The following GRID2 variants were observed in gnomAD, a reference collection of about 807,000 sequenced individuals.
The protein encoded by GRID2 is glutamate receptor ionotropic, delta-2.
Under a neutral mutation model 114.8 loss-of-function variants are expected in GRID2, and 33 were observed. The observed-to-expected ratio is 0.29, with a 90% CI of 0.22 to 0.38. The LOEUF is 0.38. Ranked by LOEUF, GRID2 falls within the 10% of genes least tolerant of loss-of-function variation. GRID2 has a pLI of 1.00. For missense variants in GRID2, 1,184 were observed against 1,257.7 expected (o/e 0.94, Z 0.89); for synonymous variants, 505 against 449.9 (o/e 1.12, Z -1.55).
chr4:92,594,763 TA>T (rs1373048998), intron 2 of GRID2, among the ~76,000 whole-genome samples: 2 of 152,126 alleles, frequency 1.3e-5, no homozygotes, highest in Admixed American at 6.6e-5. Context: ...TTTTCTCTTA[TA>T]AATTTTTTCT....
chr4:93,593,018 C>T lies in GRID2; in HGVS notation c.2194-33251C>T, dbSNP rs1341093479. ...GGTCTTGACTCTTTATCCAATTTGC[C>T]AGTCTGTGTCTTTTAATTGGAGAAT... On this transcript the variant is annotated intron_variant, in intron 13 of 15. Coordinates refer to ENST00000282020, the MANE Select transcript of GRID2 (RefSeq NM_001510.4). Among the ~76,000 whole-genome samples the T allele has an allele frequency of 2.0e-5, 3 of 151,666 alleles. No individual in the cohort carries two copies. The East Asian group carries it at 5.8e-4, about 30-fold the overall frequency.
At position 92,951,333 on chromosome 4, in the gene GRID2, T is replaced by TTTTTTTTATTTA. The variant is rs1553956368; in HGVS notation, c.245-133659_245-133658insTTTTATTTATTT. 6.6e-5 allele frequency among the ~76,000 whole-genome samples: 10 copies of TTTTTTTTATTTA among 150,496 alleles called. No homozygotes were observed. In the East Asian group the frequency reaches 2.0e-3, roughly 29 times the overall value. On this transcript the variant is annotated intron_variant, in intron 2 of 15. Coordinates refer to ENST00000282020, the MANE Select transcript of GRID2 (RefSeq NM_001510.4). ...TTGTTCTCCAAAAATTCGCAAAATTTTTTATTTATTTATTTATTTATTTAT... is the reference window on the plus strand; with the variant it reads ...TTGTTCTCCAAAAATTCGCAAAATTTTTTTTTTATTTATTTATTTATTTATTTATTTATTTAT...
intron 1 of GRID2, among the ~76,000 whole-genome samples, chr4:92,573,049 G>T (rs1727709153): frequency 2.0e-5 from 3 of 151,948 alleles, no homozygotes; most frequent in African/African-American, 7.3e-5. Flanking sequence ...GTTCAGTCTT[G>T]GGAGAGTGTA....
At chr4:93,453,316 A>AAGAGAG (rs3044025) in intron 10 of GRID2, among the ~76,000 whole-genome samples, 2,196 of 127,036 alleles carry the variant, frequency 0.017, 40 homozygotes, top group East Asian at 0.097. Context: ...AGAGATGGGA[A>AAGAGAG]AGAGAGAGAG....
chr4:92,888,365 T>C (rs146838131), intron 2 of GRID2, among the ~76,000 whole-genome samples: 257 of 152,242 alleles, frequency 1.7e-3, no homozygotes, highest in African/African-American at 5.8e-3. Flanking sequence ...TATATAATTA[T>C]TTGGCTATTC....
chr4:93,405,978 C>T (rs1017537577), intron 9 of GRID2, among the ~76,000 whole-genome samples: 5 of 152,136 alleles, frequency 3.3e-5, no homozygotes, highest in African/African-American at 1.2e-4. Flanking sequence ...TAATAAATCT[C>T]ATTGTTAGTA....
At chr4:92,519,096 A>G (rs1219176333) in intron 1 of GRID2, among the ~76,000 whole-genome samples, 1 of 151,918 alleles carries the variant, frequency 6.6e-6, no homozygotes, top group Non-Finnish European at 1.5e-5. Context: ...ATAAATATGC[A>G]TATTGAAATA....
intron 9 of GRID2, among the ~76,000 whole-genome samples, chr4:93,419,651 C>T (rs1472302931): frequency 6.6e-6 from 1 of 152,014 alleles, no homozygotes; most frequent in Non-Finnish European, 1.5e-5. Flanking sequence ...ATCAATAATT[C>T]ATTTTGAAAG....
intron 2 of GRID2, among the ~76,000 whole-genome samples, chr4:92,662,417 A>C (rs1035120502): frequency 1.3e-5 from 2 of 151,006 alleles, no homozygotes; most frequent in African/African-American, 2.4e-5. Context: ...GGCTGAAGAC[A>C]ATAAGAAAAA....
intron 14 of GRID2, among the ~76,000 whole-genome samples, chr4:93,701,698 A>T (rs906567492): frequency 2.0e-5 from 3 of 152,096 alleles, no homozygotes; most frequent in Admixed American, 2.0e-4. Flanking sequence ...TGCTTTAAAA[A>T]TATATAAAAG....
At position 92,815,326 on chromosome 4, in the gene GRID2, A is replaced by G. The variant is rs557827531; in HGVS notation, c.244+225040A>G. On this transcript the variant is annotated intron_variant, in intron 2 of 15. Coordinates refer to ENST00000282020, the MANE Select transcript of GRID2 (RefSeq NM_001510.4). ...TGTGTGGGCATATATGGGTGTATAT[A>G]AAGTCAATATTTGATTTATGATTGA... Among the ~76,000 whole-genome samples the G allele has an allele frequency of 3.3e-5, 5 of 152,250 alleles. No individual in the cohort carries two copies. In the East Asian group the frequency reaches 7.8e-4, roughly 24 times the overall value.
At chr4:92,824,304 T>C (rs529725448) in intron 2 of GRID2, among the ~76,000 whole-genome samples, 1 of 152,256 alleles carries the variant, frequency 6.6e-6, no homozygotes, top group East Asian at 1.9e-4. Context: ...TATATGATCT[T>C]TTTATTATCT....
chr4:93,594,588 C>A (rs948681230), intron 13 of GRID2, among the ~76,000 whole-genome samples: 5 of 152,168 alleles, frequency 3.3e-5, no homozygotes, highest in Admixed American at 1.3e-4. Context: ...CCACCCAGTT[C>A]GAGCTTCCAG....
chr4:93,174,589 G>A (rs1739170389), intron 4 of GRID2, among the ~76,000 whole-genome samples: 1 of 152,054 alleles, frequency 6.6e-6, no homozygotes, highest in African/African-American at 2.4e-5. Flanking sequence ...CATGAGTGGG[G>A]ACCTAATCTG....
chr4:93,562,238 A>G (rs1038672204), intron 13 of GRID2, among the ~76,000 whole-genome samples: 3 of 151,836 alleles, frequency 2.0e-5, no homozygotes, highest in African/African-American at 7.3e-5. Context: ...GTGTAGTGAT[A>G]GCTCATTATT....
intron 2 of GRID2, among the ~76,000 whole-genome samples, chr4:92,904,809 T>C (rs1747832811): frequency 2.0e-5 from 3 of 151,982 alleles, no homozygotes; most frequent in Non-Finnish European, 4.4e-5. Flanking sequence ...GAACTTTAGA[T>C]TAATGAAGAG....
At chr4:92,347,425 T>A (rs992588758) in intron 1 of GRID2, among the ~76,000 whole-genome samples, 27 of 152,352 alleles carry the variant, frequency 1.8e-4, no homozygotes, top group African/African-American at 6.5e-4. Flanking sequence ...GTTACATATA[T>A]GCCTAATCAA....
intron 2 of GRID2, among the ~76,000 whole-genome samples, chr4:92,683,230 C>G (rs186129142): frequency 6.6e-6 from 1 of 150,880 alleles, no homozygotes; most frequent in Non-Finnish European, 1.5e-5. Context: ...ATCCAGAAGG[C>G]GGAGCTTGCA....
At chr4:92,886,375 G>A (rs939356570) in intron 2 of GRID2, among the ~76,000 whole-genome samples, 29 of 152,102 alleles carry the variant, frequency 1.9e-4, no homozygotes, top group Admixed American at 5.2e-4. Flanking sequence ...AGCAAGAGAG[G>A]AGATGCTGGA....
Sources: gnomAD v4.1 joint callset for allele counts (sites outside exome capture counted in the v4.1 genomes callset) on GRCh38, gnomAD v4.1.1 for gene constraint, MANE v1.5 for transcripts, NCBI Gene and HGNC (gene_info 2026-07-23, HGNC 2026-07-21) for gene names.